Variants in YTHDF1 observed in about 807,000 individuals in gnomAD.
YTHDF1 encodes YTH N6-methyladenosine RNA binding protein F1.
Under a neutral mutation model 49.1 loss-of-function variants are expected in YTHDF1, and 16 were observed. That is an observed-to-expected ratio of 0.33 (90% CI 0.22 to 0.49). The LOEUF (loss-of-function observed/expected upper bound fraction) is 0.49, where lower values mean the gene tolerates loss of function less well. Ranked by LOEUF, YTHDF1 falls within the 20% of genes least tolerant of loss-of-function variation. The pLI is 0.99. For missense variants in YTHDF1, 621 were observed against 744.3 expected, an observed-to-expected ratio of 0.83 and a Z score of 1.93; for synonymous variants, 313 against 290.1, an observed-to-expected ratio of 1.08 and a Z score of -0.80.
chr20:63,207,921 G>A (rs562887989), intron 3 of YTHDF1, among the ~76,000 whole-genome samples: 8 of 151,816 alleles, frequency 5.3e-5, no homozygotes, highest in African/African-American at 1.5e-4. Context: ...AACCTGGGAG[G>A]TGAAGGCTGC....
rs2066490354 is a variant in YTHDF1 at position 63,195,904 on chromosome 20, T to TA, written c.*803dup. 6.6e-6 allele frequency: 1 copy of TA among 152,170 alleles called. No homozygotes were observed. Among genetic ancestry groups the TA allele is most frequent in the Non-Finnish European group, 1.5e-5 (1 of 68,024 alleles). 9.4% of individuals were successfully genotyped at this position (152,170 alleles called of 1,614,324 possible). A position where few individuals can be genotyped will look rare whatever the true frequency, so the allele number is the denominator to read the frequency against. The stretch of plus-strand genomic sequence containing the variant: ...AGATCCTACACTTAAAGCTCAGCAT[T>TA]ATTGGTATAAAAACTTAAGACGGCA... On this transcript the variant is annotated 3_prime_UTR_variant, in exon 5 of 5. Coordinates refer to ENST00000370339, the MANE Select transcript of YTHDF1 (RefSeq NM_017798.4).
chr20:63,196,988 G>C (rs560944656), intron 4 of YTHDF1, among the ~76,000 whole-genome samples: 1 of 152,112 alleles, frequency 6.6e-6, no homozygotes, highest in Non-Finnish European at 1.5e-5. Flanking sequence ...CGGTCACATG[G>C]GCCACCTGTC....
At chr20:63,206,044 C>T (rs893122787) in intron 3 of YTHDF1, among the ~76,000 whole-genome samples, 6 of 150,352 alleles carry the variant, frequency 4.0e-5, no homozygotes, top group African/African-American at 1.2e-4. Flanking sequence ...ATCAGGGGGG[C>T]GGTCTGTGCA....
chr20:63,201,220 G>A (rs2066515860), intron 4 of YTHDF1, among the ~76,000 whole-genome samples: 1 of 152,138 alleles, frequency 6.6e-6, no homozygotes, highest in Non-Finnish European at 1.5e-5. Context: ...AGACAGTGCA[G>A]GCGGCTCTAC....
chr20:63,203,100 C>A lies in YTHDF1; in HGVS notation c.840G>T (p.Val280=). The part of the protein sequence containing the change: ...DIGTWDNKGP[V]PKAPVPQQAP... ...CCTGCTGGGGGACTGGGGCCTTCGG[C>A]ACAGGCCCCTTGTTATCCCAGGTGC... Residue 280 remains valine, a synonymous_variant, in exon 4 of 5, where the codon GTG becomes GTT. Transcript: ENST00000370339. The surrounding 1 kb of genome is among the most constrained non-coding windows in gnomAD (Gnocchi z 4.4). 2 of 1,610,026 alleles carry A rather than the reference C, an allele frequency of 1.2e-6. No individual in the cohort carries two copies. The highest frequency in any genetic ancestry group is 1.7e-6 in the Non-Finnish European group (2 of 1,177,694).
intron 3 of YTHDF1, among the ~76,000 whole-genome samples, chr20:63,208,592 A>T (rs2066559096): frequency 6.6e-6 from 1 of 152,238 alleles, no homozygotes; most frequent in Non-Finnish European, 1.5e-5. Flanking sequence ...TGTTTCAGCA[A>T]CTTGCCAGTA....
At chr20:63,199,501 A>G (rs1449737294) in intron 4 of YTHDF1, among the ~76,000 whole-genome samples, 1 of 150,308 alleles carries the variant, frequency 6.7e-6, no homozygotes, top group African/African-American at 2.4e-5. Flanking sequence ...ACTGGGCAAC[A>G]GTGCAAGATT....
In YTHDF1 at chr20:63,202,527, C is replaced by T. The variant is rs745319206; in HGVS notation, c.1413G>A (p.Lys471=). 10 of 1,614,236 alleles carry T rather than the reference C, an allele frequency of 6.2e-6. No individual in the cohort carries two copies. The highest frequency in any genetic ancestry group is 8.5e-6 in the Non-Finnish European group (10 of 1,180,024). ...AAATCCACTGGACATCAAACTTCCC[C>T]TTCCACTTGTCCTGAGACCAGACCC... is the stretch of plus-strand genomic sequence containing the variant. The part of the protein sequence containing the change: ...SAGVWSQDKW[K]GKFDVQWIFV... Residue 471 remains lysine, a synonymous_variant, in exon 4 of 5, where the codon AAG becomes AAA. Transcript: ENST00000370339.
chr20:63,216,000 T>G lies in YTHDF1; in HGVS notation c.-108A>C. ...CGCGGCCCCGGGCCCCGCCGCCAAT[T>G]CCCCGGGCGCCGGCCGGGCGGCGGC... On this transcript the variant is annotated 5_prime_UTR_variant, in exon 1 of 5. Transcript: ENST00000370339. 8.9e-6 allele frequency: 9 copies of G among 1,006,910 alleles called. No individual in the cohort carries two copies. Among genetic ancestry groups the G allele is most frequent in the South Asian group, 4.7e-5 (1 of 21,410 alleles). The allele number at this position is 1,006,910 out of a possible 1,614,324, so 62.4% of individuals were successfully genotyped here. A position where few individuals can be genotyped will look rare whatever the true frequency, so the allele number is the denominator to read the frequency against.
At chr20:63,212,248 CGCGGGGCA>C (rs914553859) in intron 3 of YTHDF1, among the ~76,000 whole-genome samples, 31 of 152,178 alleles carry the variant, frequency 2.0e-4, no homozygotes, top group African/African-American at 6.8e-4. Context: ...AGGGTCGGAG[CGCGGGGCA>C]GCGCTGCCGA....
At position 63,203,616 on chromosome 20, in the gene YTHDF1, A is replaced by G. The variant is rs878932044; in HGVS notation, c.324T>C (p.Pro108=). Residue 108 remains proline, a synonymous_variant, in exon 4 of 5, where the codon CCT becomes CCC. Transcript: ENST00000370339. The surrounding 1 kb of genome is among the most constrained non-coding windows in gnomAD (Gnocchi z 4.4). The part of the protein sequence containing the change: ...HFMHDAVFGQ[P]GGLGNNIYQH... ...GATAGATGTTGTTCCCCAGGCCCCC[A>G]GGCTGCCCAAAAACAGCATCGTGCA... is the stretch of plus-strand genomic sequence containing the variant. The G allele has an allele frequency of 6.2e-7, 1 of 1,614,166 alleles. No homozygotes were observed. Among genetic ancestry groups the G allele is most frequent in the Non-Finnish European group, 8.5e-7 (1 of 1,180,036 alleles).
intron 2 of YTHDF1, among the ~76,000 whole-genome samples, chr20:63,214,944 T>C (rs1300523956): frequency 6.6e-6 from 1 of 152,168 alleles, no homozygotes; most frequent in Non-Finnish European, 1.5e-5. Flanking sequence ...CCACTTACCT[T>C]CCCACTGTTA....
At chr20:63,201,260 C>T (rs575077960) in intron 4 of YTHDF1, among the ~76,000 whole-genome samples, 69 of 152,208 alleles carry the variant, frequency 4.5e-4, no homozygotes, top group African/African-American at 1.6e-3. Flanking sequence ...GCCATGTACA[C>T]GCCTTTCTGC....
At position 63,203,054 on chromosome 20, in the gene YTHDF1, G is replaced by A; in HGVS notation, c.886C>T (p.Pro296Ser). The change falls in exon 4 of 5, where the codon CCA becomes TCA. Residue 296 changes from proline to serine, a missense_variant. Coordinates refer to ENST00000370339, the MANE Select transcript of YTHDF1 (RefSeq NM_017798.4). This position sits in a 1 kb window ranked among gnomAD's most constrained non-coding sequence, Gnocchi z 4.4. ...GGCTGAGCCACCTGCTGGGGCTGTG[G>A]GGCAGCCTGTGGAGAGGGTGCCTGC... is the stretch of plus-strand genomic sequence containing the variant. ...PQQAPSPQAA[P>S]QPQQVAQPLP... is the part of the protein sequence containing the mutation. 1.2e-6 allele frequency: 2 copies of A among 1,606,064 alleles called. No homozygotes were observed. The highest frequency in any genetic ancestry group is 1.7e-6 in the Non-Finnish European group (2 of 1,175,270).
At chr20:63,215,175 G>A (rs953945941) in intron 2 of YTHDF1, among the ~76,000 whole-genome samples, 6 of 152,188 alleles carry the variant, frequency 3.9e-5, no homozygotes, top group Non-Finnish European at 8.8e-5. Flanking sequence ...AACAGACTTG[G>A]AAAACGGGCT....
At chr20:63,200,555 G>A (rs1202361112) in intron 4 of YTHDF1, among the ~76,000 whole-genome samples, 1 of 152,184 alleles carries the variant, frequency 6.6e-6, no homozygotes, top group East Asian at 1.9e-4. Context: ...TCGCCTTGGA[G>A]CACCCAGTGG....
Position 63,213,947 on chromosome 20 carries a change from G to A in YTHDF1, c.53-4C>T, listed in dbSNP as rs1384754774. The A allele has an allele frequency of 1.3e-6, 2 of 1,568,530 alleles. No individual in the cohort carries two copies. Among genetic ancestry groups the A allele is most frequent in the South Asian group, 1.2e-5 (1 of 83,806 alleles). On this transcript the variant is annotated splice_polypyrimidine_tract_variant and splice_region_variant and intron_variant, in intron 2 of 4. Coordinates refer to ENST00000370339, the MANE Select transcript of YTHDF1 (RefSeq NM_017798.4). ...TGATGTAACGAACCATTTTGTACTA[G>A]AACAAAAAGTTGCAAAATATTACCC...
At chr20:63,211,782 T>A (rs2066575495) in intron 3 of YTHDF1, among the ~76,000 whole-genome samples, 2 of 152,116 alleles carry the variant, frequency 1.3e-5, no homozygotes, top group South Asian at 4.2e-4. Flanking sequence ...AAAGAGACCC[T>A]GTGTCTACAA....
intron 2 of YTHDF1, 32 bp downstream of exon 2, chr20:63,215,545 G>A (rs1193866826): frequency 6.2e-7 from 1 of 1,613,416 alleles, no homozygotes; most frequent in Admixed American, 1.7e-5. Context: ...CTCCACTCCA[G>A]CCCGCGCCGG....
Sources: allele counts gnomAD v4.1 joint callset (sites outside exome capture counted in the v4.1 genomes callset), GRCh38; gene constraint gnomAD v4.1.1; non-coding constraint Gnocchi (gnomAD v3.1); transcripts MANE v1.5; gene names NCBI Gene and HGNC (gene_info 2026-07-23, HGNC 2026-07-21).